RABGAP1L: variants seen among roughly 807,000 people sequenced by gnomAD.
RABGAP1L encodes RAB GTPase activating protein 1 like.
Under a neutral mutation model 137.7 loss-of-function variants are expected in RABGAP1L, and 63 were observed. The ratio of observed to expected loss-of-function variants is 0.46; its 90% CI spans 0.37 to 0.56. The LOEUF is 0.56. RABGAP1L is among the 20% of genes least tolerant of loss of function. RABGAP1L has a pLI of 0.00. For synonymous variants in RABGAP1L, 431 were observed against 433.7 expected, an observed-to-expected ratio of 0.99 and a Z score of 0.08; for missense variants, 1,095 against 1,244.0, an observed-to-expected ratio of 0.88 and a Z score of 1.80.
At chr1:174,175,314 A>G (rs1665743120) in intron 1 of RABGAP1L, among the ~76,000 whole-genome samples, 1 of 152,140 alleles carries the variant, frequency 6.6e-6, no homozygotes, top group Non-Finnish European at 1.5e-5. Flanking sequence ...TCTGGATGGC[A>G]TGAAGTTGGG....
At chr1:174,636,329 C>A (rs754966430) in intron 13 of RABGAP1L, among the ~76,000 whole-genome samples, 26 of 151,938 alleles carry the variant, frequency 1.7e-4, no homozygotes, top group Non-Finnish European at 3.1e-4. Flanking sequence ...CCAGCCTGTT[C>A]CAACACAGTG....
intron 19 of RABGAP1L, among the ~76,000 whole-genome samples, chr1:174,932,281 A>G (rs1039158165): frequency 5.3e-5 from 8 of 151,040 alleles, no homozygotes; most frequent in African/African-American, 1.9e-4. Context: ...AAGAATGCTG[A>G]GCCTGATGCT....
At chr1:174,369,278 C>T (rs1011567713) in intron 11 of RABGAP1L, among the ~76,000 whole-genome samples, 2 of 152,160 alleles carry the variant, frequency 1.3e-5, no homozygotes, top group Admixed American at 1.3e-4. Flanking sequence ...CAACTGTGGC[C>T]TCCCAGGCTC....
chr1:174,632,871 C>T (rs1481769341), intron 13 of RABGAP1L, among the ~76,000 whole-genome samples: 2 of 151,306 alleles, frequency 1.3e-5, no homozygotes, highest in Non-Finnish European at 2.9e-5. Flanking sequence ...ATTTGATCGT[C>T]TGAAGCCTTC....
intron 17 of RABGAP1L, among the ~76,000 whole-genome samples, chr1:174,723,536 A>C (rs1043008313): frequency 6.6e-6 from 1 of 152,226 alleles, no homozygotes; most frequent in Non-Finnish European, 1.5e-5. Context: ...CTATTGGGCC[A>C]TAGTAGTCAC....
Position 174,990,006 on chromosome 1 carries a change from A to C in RABGAP1L, c.*5A>C. 1 of 1,533,282 alleles carries C rather than the reference A, an allele frequency of 6.5e-7. No individual in the cohort carries two copies. The highest frequency in any genetic ancestry group is 8.8e-7 in the Non-Finnish European group (1 of 1,131,434). The allele number at this position is 1,533,282 out of a possible 1,614,324, so 95.0% of individuals were successfully genotyped here. ...CCACCCAAGGAGAGCACATAGTTCC[A>C]GCCTTACCCAAGCACAAGAGCACAA... On this transcript the variant is annotated 3_prime_UTR_variant, in exon 26 of 26. Transcript: ENST00000681986.
At chr1:174,252,076 G>T (rs1672758848) in intron 6 of RABGAP1L, among the ~76,000 whole-genome samples, 1 of 151,982 alleles carries the variant, frequency 6.6e-6, no homozygotes, top group Non-Finnish European at 1.5e-5. Flanking sequence ...TGTATTTTTA[G>T]TAGAGATGGG....
In RABGAP1L at chr1:174,281,606, A is replaced by C. The variant is rs573014234; in HGVS notation, c.1323+2827A>C. ...AATTAGGTGTAAGTGGGAAACACCA[A>C]GTATAAATGCCCAGAGAACTAGAAA... On this transcript the variant is annotated intron_variant, in intron 10 of 25. Transcript: ENST00000681986. 4.4e-4 allele frequency among the ~76,000 whole-genome samples: 67 copies of C among 152,348 alleles called. 1 individual carries two copies. In the South Asian group the frequency reaches 0.013, roughly 30 times the overall value.
chr1:174,304,401 G>A (rs1286757876), intron 10 of RABGAP1L, among the ~76,000 whole-genome samples: 1 of 151,496 alleles, frequency 6.6e-6, no homozygotes, highest in Non-Finnish European at 1.5e-5. Context: ...TGTATAAAAT[G>A]ATTCGATTTG....
In RABGAP1L at chr1:174,465,135, T is replaced by C. The variant is rs1156242312; in HGVS notation, c.1710+70990T>C. ...ATGAAAACTACTGTTATATCTGCCT[T>C]CTCTTCTCAGATTAAACATCTTTAT... On this transcript the variant is annotated intron_variant, in intron 13 of 25. Transcript: ENST00000681986. Among the ~76,000 whole-genome samples, 5 of 152,290 alleles carry C rather than the reference T, an allele frequency of 3.3e-5. No homozygotes were observed. In the East Asian group the frequency reaches 9.6e-4, roughly 29 times the overall value.
chr1:174,977,970 T>C lies in RABGAP1L; in HGVS notation c.2650-837T>C, dbSNP rs375417107. Among the ~76,000 whole-genome samples, 21 of 152,336 alleles carry C rather than the reference T, an allele frequency of 1.4e-4. 2 individuals carry two copies. The highest frequency in any genetic ancestry group is 5.1e-4 in the African/African-American group (21 of 41,572). ...TTACAGAGTATACGCCATTAATAAT[T>C]TGGGATGCTTTAGTGCAGAACGCAT... On this transcript the variant is annotated intron_variant, in intron 22 of 25. Transcript: ENST00000681986.
rs982999419 is a variant in RABGAP1L, at chr1:174,696,619, A to C, written c.1900-2906A>C. On this transcript the variant is annotated intron_variant, in intron 15 of 25. Coordinates refer to ENST00000681986, the MANE Select transcript of RABGAP1L (RefSeq NM_001366446.1). ...ATCCTTCCTTGTTGTGTGCCTGCTA[A>C]ATTCTGCCCTGTGTTGTGTTCTGCT... Among the ~76,000 whole-genome samples the C allele has an allele frequency of 1.4e-4, 22 of 152,270 alleles. 1 individual carries two copies. The highest frequency in any genetic ancestry group is 1.4e-3 in the Admixed American group (21 of 15,294).
intron 3 of RABGAP1L, among the ~76,000 whole-genome samples, chr1:174,221,824 G>C (rs1419164662): frequency 3.3e-5 from 5 of 152,116 alleles, no homozygotes; most frequent in Non-Finnish European, 7.4e-5. Flanking sequence ...GAAACTGGTA[G>C]GTAAGGGAAG....
chr1:174,433,923 C>T lies in RABGAP1L; in HGVS notation c.1710+39778C>T, dbSNP rs1262666291. Among the ~76,000 whole-genome samples, 3 of 152,166 alleles carry T rather than the reference C, an allele frequency of 2.0e-5. No homozygotes were observed. In the East Asian group the frequency reaches 5.8e-4, roughly 29 times the overall value. ...CATGCAAATGCCATCTCAGCCTTTTCAGTCTCTTCAGCTATAACTTACACA... is the reference window on the plus strand; with the variant it reads ...CATGCAAATGCCATCTCAGCCTTTTTAGTCTCTTCAGCTATAACTTACACA... On this transcript the variant is annotated intron_variant, in intron 13 of 25. Coordinates refer to ENST00000681986, the MANE Select transcript of RABGAP1L (RefSeq NM_001366446.1).
intron 19 of RABGAP1L, among the ~76,000 whole-genome samples, chr1:174,850,718 G>A: frequency 6.6e-6 from 1 of 152,132 alleles, no homozygotes; most frequent in South Asian, 2.1e-4. Context: ...ATTATGTTTT[G>A]CCATATGGCA....
chr1:174,539,211 C>T (rs759595537), intron 13 of RABGAP1L, among the ~76,000 whole-genome samples: 1 of 151,896 alleles, frequency 6.6e-6, no homozygotes, highest in Non-Finnish European at 1.5e-5. Flanking sequence ...GGAGGTTAAA[C>T]TTAGTGGTAA....
chr1:174,549,505 C>G (rs1666271621), intron 13 of RABGAP1L, among the ~76,000 whole-genome samples: 1 of 152,112 alleles, frequency 6.6e-6, no homozygotes, highest in African/African-American at 2.4e-5. Flanking sequence ...AAAGCCACTG[C>G]AAGTCTCTAC....
intron 19 of RABGAP1L, among the ~76,000 whole-genome samples, chr1:174,813,615 CAA>C (rs1380131909): frequency 1.3e-5 from 2 of 152,170 alleles, no homozygotes; most frequent in Admixed American, 1.3e-4. Context: ...GCTTTATATT[CAA>C]AGAGATCATT....
intron 13 of RABGAP1L, among the ~76,000 whole-genome samples, chr1:174,494,337 G>A (rs1042043595): frequency 2.6e-5 from 4 of 152,132 alleles, no homozygotes; most frequent in African/African-American, 9.7e-5. Context: ...GCTATTTAAA[G>A]CACCACAGAC....
Sources: gnomAD v4.1 joint callset for allele counts (sites outside exome capture counted in the v4.1 genomes callset) on GRCh38, gnomAD v4.1.1 for gene constraint, MANE v1.5 for transcripts, NCBI Gene and HGNC (gene_info 2026-07-23, HGNC 2026-07-21) for gene names.